The following COG5 variants were observed in gnomAD, a reference collection of about 807,000 sequenced individuals.
COG5 encodes conserved oligomeric Golgi complex subunit 5.
In COG5, 86 loss-of-function variants were observed where a neutral mutation model predicts 110.4. The observed-to-expected ratio is 0.78, with a 90% CI of 0.65 to 0.93. The LOEUF (loss-of-function observed/expected upper bound fraction) is 0.93. Ranked by LOEUF, COG5 falls within the 40% of genes least tolerant of loss-of-function variation. The pLI, the probability that COG5 is intolerant of heterozygous loss-of-function variation, is 0.00. For synonymous variants in COG5, 360 were observed against 334.6 expected, an observed-to-expected ratio of 1.08 and a Z score of -0.83; for missense variants, 1,077 against 987.0, an observed-to-expected ratio of 1.09 and a Z score of -1.22.
At chr7:107,511,719 T>C (rs553980893) in intron 6 of COG5, among the ~76,000 whole-genome samples, 1 of 152,296 alleles carries the variant, frequency 6.6e-6, no homozygotes, top group East Asian at 1.9e-4. Flanking sequence ...GCTTCATCCC[T>C]GGGATGCAAG....
intron 6 of COG5, among the ~76,000 whole-genome samples, chr7:107,435,954 T>C (rs1184018789): frequency 3.3e-5 from 5 of 152,338 alleles, no homozygotes; most frequent in African/African-American, 1.2e-4. Context: ...TGGAATACTA[T>C]TCTGCCATAA....
At chr7:107,344,623 C>G (rs1355976853) in intron 10 of COG5, among the ~76,000 whole-genome samples, 1 of 152,186 alleles carries the variant, frequency 6.6e-6, no homozygotes, top group Non-Finnish European at 1.5e-5. Flanking sequence ...CTCCCAGGTT[C>G]AAGAAATTCT....
intron 10 of COG5, among the ~76,000 whole-genome samples, chr7:107,327,826 T>A (rs1809901254): frequency 6.6e-6 from 1 of 152,188 alleles, no homozygotes; most frequent in African/African-American, 2.4e-5. Flanking sequence ...GTGGAGAAAC[T>A]GGAAATTTTG....
intron 6 of COG5, chr7:107,481,028 TG>T (rs1049801434): frequency 2.0e-5 from 3 of 152,198 alleles, no homozygotes; most frequent in Non-Finnish European, 2.9e-5. Context: ...ATGACAGCTT[TG>T]TACTTGCACC....
chr7:107,317,743 A>G (rs2117032207), intron 11 of COG5, among the ~76,000 whole-genome samples: 1 of 152,332 alleles, frequency 6.6e-6, no homozygotes. Context: ...AATAAAAATT[A>G]TTAGACATGC....
intron 12 of COG5, among the ~76,000 whole-genome samples, chr7:107,294,459 C>T (rs561584781): frequency 6.6e-6 from 1 of 152,166 alleles, no homozygotes. Context: ...GCTGGCCCCC[C>T]CTAAGTTGTC....
chr7:107,215,382 A>T (rs1247799153), intron 19 of COG5, among the ~76,000 whole-genome samples: 1 of 152,166 alleles, frequency 6.6e-6, no homozygotes, highest in Non-Finnish European at 1.5e-5. Flanking sequence ...AATAAGACCC[A>T]GCTGGCTGGG....
intron 6 of COG5, among the ~76,000 whole-genome samples, chr7:107,415,821 CACGTAT>C (rs1428817172): frequency 1.3e-5 from 1 of 78,418 alleles, no homozygotes; most frequent in Non-Finnish European, 3.4e-5. Flanking sequence ...TACACACATA[CACGTAT>C]GTATGTATGT....
At chr7:107,375,713 T>C (rs1814583036) in intron 7 of COG5, among the ~76,000 whole-genome samples, 1 of 152,022 alleles carries the variant, frequency 6.6e-6, no homozygotes, top group Admixed American at 6.5e-5. Flanking sequence ...ACATATAAAG[T>C]TGTTTATATA....
chr7:107,237,156 T>C (rs1801258214), intron 17 of COG5, among the ~76,000 whole-genome samples: 1 of 152,202 alleles, frequency 6.6e-6, no homozygotes, highest in Non-Finnish European at 1.5e-5. Flanking sequence ...ATCTCTCTGC[T>C]CTTGTGCTAT....
chr7:107,372,774 G>C lies in COG5; in HGVS notation c.670-14C>G. On this transcript the variant is annotated splice_polypyrimidine_tract_variant and intron_variant, in intron 7 of 21. Coordinates refer to ENST00000297135, the MANE Select transcript of COG5 (RefSeq NM_006348.5). ...TTGAGTTGGATTCTTAAAAAAAGGT[G>C]GGGTGGGGTGGAAACAGATATAAAT... The C allele has an allele frequency of 1.2e-5, 20 of 1,612,696 alleles. No individual in the cohort carries two copies. The highest frequency in any genetic ancestry group is 1.7e-5 in the Non-Finnish European group (20 of 1,179,246).
In COG5 at chr7:107,245,468, T is replaced by C. The variant is rs371010871; in HGVS notation, c.1853+2928A>G. On this transcript the variant is annotated intron_variant, in intron 17 of 21. Transcript: ENST00000297135. ...ATGATTCTATATCTAGAAAACCCCA[T>C]AGTCTTGGCCCAAAAGCTCCTTCAG... Among the ~76,000 whole-genome samples the C allele has an allele frequency of 2.0e-4, 30 of 152,280 alleles. No homozygotes were observed. In the South Asian group the frequency reaches 2.3e-3, roughly 12 times the overall value.
At chr7:107,459,269 T>C (rs773576248) in intron 6 of COG5, among the ~76,000 whole-genome samples, 3 of 152,106 alleles carry the variant, frequency 2.0e-5, no homozygotes, top group Non-Finnish European at 4.4e-5. Flanking sequence ...ATATATATGA[T>C]GCAAACTATA....
chr7:107,440,970 C>G (rs2129086181), intron 6 of COG5, among the ~76,000 whole-genome samples: 1 of 152,050 alleles, frequency 6.6e-6, no homozygotes, highest in South Asian at 2.1e-4. Flanking sequence ...TTATCAATCC[C>G]AGGCCGGGCG....
intron 19 of COG5, among the ~76,000 whole-genome samples, chr7:107,215,627 G>A (rs1207748127): frequency 6.6e-6 from 1 of 151,880 alleles, no homozygotes; most frequent in Non-Finnish European, 1.5e-5. Context: ...TTGTACCACA[G>A]CACTTACAGC....
intron 8 of COG5, among the ~76,000 whole-genome samples, chr7:107,372,157 T>A (rs1160414452): frequency 6.6e-6 from 1 of 152,192 alleles, no homozygotes; most frequent in African/African-American, 2.4e-5. Context: ...TCAGTTTCTA[T>A]GTCCACAGTC....
At chr7:107,455,598 T>C (rs1439226458) in intron 6 of COG5, among the ~76,000 whole-genome samples, 1 of 152,218 alleles carries the variant, frequency 6.6e-6, no homozygotes, top group African/African-American at 2.4e-5. Context: ...ATTTATTATC[T>C]GGCCTTTTGT....
In COG5 at chr7:107,203,485, C is replaced by A. The variant is rs916939955; in HGVS notation, c.*31G>T. The A allele has an allele frequency of 6.8e-7, 1 of 1,479,062 alleles. No individual in the cohort carries two copies. Among genetic ancestry groups the A allele is most frequent in the Non-Finnish European group, 9.5e-7 (1 of 1,057,008 alleles). 91.6% of individuals were successfully genotyped at this position (1,479,062 alleles called of 1,614,324 possible). ...ACTGCCAACTATGAATGGGTTAGCA[C>A]AAAGTGGAGATGAACAAAGATTTCA... On this transcript the variant is annotated 3_prime_UTR_variant, in exon 22 of 22. Coordinates refer to ENST00000297135, the MANE Select transcript of COG5 (RefSeq NM_006348.5).
At chr7:107,306,269 G>A (rs1006039974) in intron 11 of COG5, among the ~76,000 whole-genome samples, 1 of 152,026 alleles carries the variant, frequency 6.6e-6, no homozygotes. Context: ...AAGAGTACCA[G>A]AACAAAACAC....
Sources: allele counts gnomAD v4.1 joint callset (sites outside exome capture counted in the v4.1 genomes callset), GRCh38; gene constraint gnomAD v4.1.1; transcripts MANE v1.5; gene names NCBI Gene and HGNC (gene_info 2026-07-23, HGNC 2026-07-21).